Variants in RSRP1 observed in about 807,000 individuals in gnomAD.
The protein encoded by RSRP1 is arginine and serine rich protein 1, also known as arginine/serine-rich protein 1.
A neutral mutation model predicts 33.0 loss-of-function variants in RSRP1; 37 were observed. The ratio of observed to expected loss-of-function variants is 1.12; its 90% CI spans 0.86 to 1.48. The LOEUF (loss-of-function observed/expected upper bound fraction) is 1.48, where lower values mean the gene tolerates loss of function less well. Ranked by LOEUF, RSRP1 falls within the 40% of genes most tolerant of loss-of-function variation. The pLI is 0.00. For missense variants in RSRP1, 402 were observed against 385.3 expected (o/e 1.04, Z -0.36); for synonymous variants, 167 against 158.7 (o/e 1.05, Z -0.40).
In RSRP1 at chr1:25,307,915, C is replaced by G; in HGVS notation, c.-67+30063G>C. 3 of 969,770 alleles carry G rather than the reference C, an allele frequency of 3.1e-6. No individual in the cohort carries two copies. The South Asian group carries it at 4.3e-5, about 14-fold the overall frequency. 60.1% of individuals were successfully genotyped at this position (969,770 alleles called of 1,614,324 possible). On this transcript the variant is annotated intron_variant, in intron 1 of 1. Transcript: ENST00000561867. ...GATGTGTCTGCCACTGTCTTAATAA[C>G]TGTGCAATTCTAAGCAGAACCTTTC...
intron 1 of RSRP1, among the ~76,000 whole-genome samples, chr1:25,264,563 C>A (rs1571546230): frequency 6.6e-6 from 1 of 151,308 alleles, no homozygotes; most frequent in South Asian, 2.1e-4. Context: ...GCCTGGCCAA[C>A]AAAACCATTT....
At position 25,274,866 on chromosome 1, in the gene RSRP1, G is replaced by T. The variant is rs1290889293; in HGVS notation, c.-66-27837C>A. On this transcript the variant is annotated intron_variant, in intron 1 of 1. Coordinates refer to the RSRP1 transcript ENST00000561867. ...TACTAAAATTATAAAAACTGGCTGG[G>T]TGTGGTGGCACACGTCTATAATCCG... is the stretch of plus-strand genomic sequence containing the variant. Among the ~76,000 whole-genome samples the T allele has an allele frequency of 3.1e-5, 4 of 129,466 alleles. 1 individual carries two copies. Among genetic ancestry groups the T allele is most frequent in the African/African-American group, 1.1e-4 (4 of 38,054 alleles). The allele number at this position is 129,466 out of a possible 152,430, so 84.9% of individuals were successfully genotyped here. A position where few individuals can be genotyped will look rare whatever the true frequency, so the allele number is the denominator to read the frequency against.
intron 1 of RSRP1, chr1:25,301,664 AC>A: frequency 7.2e-7 from 1 of 1,379,708 alleles, no homozygotes. Flanking sequence ...TCCTTGGCTC[AC>A]CCCCAAGGGA....
In RSRP1 at chr1:25,246,889, G is replaced by T. The variant is rs1359374842; in HGVS notation, c.75C>A (p.Gly25=). Residue 25 remains glycine (G), a synonymous_variant, in exon 2 of 5, where the codon GGC becomes GGA. Transcript: ENST00000243189. ...ACCGCGACGACAGCCGGCTGGACCC[G>T]CCCGACCGCGAGGTCGAGGGCGAAT... ...EKDSPSTSRS[G]GSSRLSSRSR... is the part of the protein sequence containing the mutation. 1.9e-6 allele frequency: 3 copies of T among 1,606,260 alleles called. No individual in the cohort carries two copies. The highest frequency in any genetic ancestry group is 2.2e-5 in the South Asian group (2 of 90,950).
intron 1 of RSRP1, among the ~76,000 whole-genome samples, chr1:25,275,431 C>G (rs1224971544): frequency 7.6e-6 from 1 of 132,048 alleles, no homozygotes; most frequent in African/African-American, 2.6e-5. Flanking sequence ...ATGGAGGAAG[C>G]CATGCCAGGG....
intron 1 of RSRP1, among the ~76,000 whole-genome samples, chr1:25,279,579 C>T (rs112451407): frequency 7.7e-6 from 1 of 129,118 alleles, no homozygotes; most frequent in South Asian, 2.3e-4. Flanking sequence ...TTCCCCATCT[C>T]TAAAATGGGG....
chr1:25,318,846 T>C (rs1644550686), intron 1 of RSRP1, among the ~76,000 whole-genome samples: 1 of 132,488 alleles, frequency 7.5e-6, no homozygotes, highest in South Asian at 2.3e-4. Flanking sequence ...TTTAACAAAC[T>C]GTATGGAGGT....
chr1:25,331,762 C>T (rs867888044), intron 1 of RSRP1, among the ~76,000 whole-genome samples: 1 of 80,892 alleles, frequency 1.2e-5, no homozygotes, highest in South Asian at 3.9e-4. Flanking sequence ...TTTTTTGAGA[C>T]GGAGTCTCGC....
At position 25,294,694 on chromosome 1, in the gene RSRP1, G is replaced by A. The variant is rs1224770088; in HGVS notation, c.-67+43284C>T. ...CTTAACGAGAGAAATGGCAGGGACT[G>A]TGAATAGGCCGGCAGATTTGGTGGC... is the stretch of plus-strand genomic sequence containing the variant. On this transcript the variant is annotated intron_variant, in intron 1 of 1. Coordinates refer to the RSRP1 transcript ENST00000561867. The A allele has an allele frequency of 1.6e-5, 9 of 570,508 alleles. 1 individual carries two copies. Among genetic ancestry groups the A allele is most frequent in the Admixed American group, 9.8e-5 (4 of 40,974 alleles). The allele number at this position is 570,508 out of a possible 1,614,324, so 35.3% of individuals were successfully genotyped here.
chr1:25,262,780 T>C lies in RSRP1; in HGVS notation c.-66-15751A>G, dbSNP rs572394899. 9.8e-5 allele frequency among the ~76,000 whole-genome samples: 15 copies of C among 152,330 alleles called. 3 individuals are homozygous for C. Among genetic ancestry groups the C allele is most frequent in the African/African-American group, 2.6e-4 (11 of 41,566 alleles). On this transcript the variant is annotated intron_variant, in intron 1 of 1. Coordinates refer to the RSRP1 transcript ENST00000561867. Reference sequence around the variant, plus strand: ...CCAAGGGCAGGAATGGAAGCGTGTATTCCAGCTCCAAGAGAGTAAGACCAA... The same window carrying C: ...CCAAGGGCAGGAATGGAAGCGTGTACTCCAGCTCCAAGAGAGTAAGACCAA...
chr1:25,296,778 G>T (rs1251338992), intron 1 of RSRP1, among the ~76,000 whole-genome samples: 3 of 121,890 alleles, frequency 2.5e-5, no homozygotes, highest in Non-Finnish European at 5.9e-5. Flanking sequence ...CACGTAAGAT[G>T]TGCCTTGCTT....
chr1:25,254,834 T>C (rs940466312), intron 1 of RSRP1, among the ~76,000 whole-genome samples: 1 of 152,158 alleles, frequency 6.6e-6, no homozygotes, highest in Admixed American at 6.5e-5. Flanking sequence ...TTGTCAATAT[T>C]ATTCTTGATA....
At chr1:25,256,898 C>A (rs922936823) in intron 1 of RSRP1, among the ~76,000 whole-genome samples, 1 of 152,166 alleles carries the variant, frequency 6.6e-6, no homozygotes, top group Non-Finnish European at 1.5e-5. Context: ...TTCTTTATGG[C>A]GTGTCAAGTT....
intron 1 of RSRP1, among the ~76,000 whole-genome samples, chr1:25,281,336 G>A (rs1406862144): frequency 7.7e-6 from 1 of 130,156 alleles, no homozygotes; most frequent in South Asian, 2.3e-4. Context: ...GGTCATGAGC[G>A]CCCCTCACAG....
In RSRP1 at chr1:25,246,865, C is replaced by A. The variant is rs752175944; in HGVS notation, c.99G>T (p.Arg33=). The change falls in exon 2 of 5, where the codon CGG becomes CGT. Residue 33 remains arginine, a synonymous_variant. Coordinates refer to ENST00000243189, the MANE Select transcript of RSRP1 (RefSeq NM_020317.5). ...TTCTGGAAAAAGAGCGGCTCCTAGA[C>A]CGCGACGACAGCCGGCTGGACCCGC... is the stretch of plus-strand genomic sequence containing the variant. The part of the protein sequence containing the change: ...RSGGSSRLSS[R]SRSRSFSRSS... The A allele has an allele frequency of 6.2e-7, 1 of 1,610,858 alleles. No individual in the cohort carries two copies. The highest frequency in any genetic ancestry group is 2.2e-5 in the East Asian group (1 of 44,816).
chr1:25,258,328 G>A (rs928752361), intron 1 of RSRP1, among the ~76,000 whole-genome samples: 1 of 151,990 alleles, frequency 6.6e-6, no homozygotes, highest in African/African-American at 2.4e-5. Flanking sequence ...TTACAGATGT[G>A]CACCACCATG....
In RSRP1 at chr1:25,299,889, A is replaced by G. The variant is rs1206225594; in HGVS notation, c.-67+38089T>C. Among the ~76,000 whole-genome samples, 8 of 131,348 alleles carry G rather than the reference A, an allele frequency of 6.1e-5. 1 individual carries two copies. The highest frequency in any genetic ancestry group is 2.1e-4 in the African/African-American group (8 of 38,062). 86.2% of individuals were successfully genotyped at this position (131,348 alleles called of 152,430 possible). A position where few individuals can be genotyped will look rare whatever the true frequency, so the allele number is the denominator to read the frequency against. ...ATCAGCCTCCCAGGTAGATAGGATT[A>G]CAAGCAAGCATCACCACGCCTGGCT... On this transcript the variant is annotated intron_variant, in intron 1 of 1. Transcript: ENST00000561867.
chr1:25,310,798 G>A (rs1425836257), intron 1 of RSRP1, among the ~76,000 whole-genome samples: 9 of 131,722 alleles, frequency 6.8e-5, no homozygotes, highest in East Asian at 3.9e-4. Context: ...ATGGTGAAAC[G>A]CTGTTTCTAC....
rs999212496 is a variant in RSRP1, at chr1:25,278,316, T to C, written c.-66-31287A>G. Among the ~76,000 whole-genome samples the C allele has an allele frequency of 9.2e-4, 120 of 130,460 alleles. 14 individuals are homozygous for C. Among genetic ancestry groups the C allele is most frequent in the African/African-American group, 2.9e-3 (110 of 38,392 alleles). 85.6% of individuals were successfully genotyped at this position (130,460 alleles called of 152,430 possible). A position where few individuals can be genotyped will look rare whatever the true frequency, so the allele number is the denominator to read the frequency against. ...GGATGAATGAACAATGATATGTTCA[T>C]TCTGGGCTTGGAGTTAAGGGGCCTA... On this transcript the variant is annotated intron_variant, in intron 1 of 1. Transcript: ENST00000561867.
Sources: allele counts gnomAD v4.1 joint callset (sites outside exome capture counted in the v4.1 genomes callset), GRCh38; gene constraint gnomAD v4.1.1; transcripts MANE v1.5; gene names NCBI Gene and HGNC (gene_info 2026-07-23, HGNC 2026-07-21).